Variants in MBD5 observed in about 807,000 individuals in gnomAD.
The protein encoded by MBD5 is methyl-CpG-binding domain protein 5.
A neutral mutation model predicts 117.3 loss-of-function variants in MBD5; 13 were observed. The ratio of observed to expected loss-of-function variants is 0.11; its 90% CI spans 0.07 to 0.18. The LOEUF is 0.18. MBD5 is among the 10% of genes least tolerant of loss of function. The probability of loss-of-function intolerance (pLI) is 1.00; values close to 1 mark genes in which losing one functional copy is unlikely to be tolerated. For synonymous variants in MBD5, 727 were observed against 766.4 expected, an observed-to-expected ratio of 0.95 and a Z score of 0.85; for missense variants, 1,879 against 2,093.8, an observed-to-expected ratio of 0.90 and a Z score of 2.00.
intron 4 of MBD5, among the ~76,000 whole-genome samples, chr2:148,456,840 C>A (rs78685489): frequency 0.01 from 1,533 of 152,238 alleles, 29 homozygotes; most frequent in African/African-American, 0.035. Context: ...TTCATTACAA[C>A]ACCCTTAACC....
At chr2:148,276,660 C>G (rs1287664215) in intron 3 of MBD5, among the ~76,000 whole-genome samples, 2 of 152,078 alleles carry the variant, frequency 1.3e-5, no homozygotes, top group East Asian at 1.9e-4. Flanking sequence ...TCAGTAATGT[C>G]GTTTTATAGC....
intron 1 of MBD5, among the ~76,000 whole-genome samples, chr2:148,022,825 T>C (rs1693797617): frequency 6.6e-6 from 1 of 152,194 alleles, no homozygotes; most frequent in African/African-American, 2.4e-5. Context: ...TAAATCCAGA[T>C]TTAAGTTTAT....
chr2:148,203,493 A>G (rs944212598), intron 2 of MBD5, among the ~76,000 whole-genome samples: 1 of 152,032 alleles, frequency 6.6e-6, no homozygotes, highest in Non-Finnish European at 1.5e-5. Flanking sequence ...TATCTTTGTT[A>G]TTACTACTGT....
chr2:148,051,601 TTGAGTGTGTGTGTG>T (rs750571564), intron 1 of MBD5, among the ~76,000 whole-genome samples: 1 of 92,892 alleles, frequency 1.1e-5, no homozygotes, highest in Non-Finnish European at 2.2e-5. Flanking sequence ...GTTCTGTTTG[TTGAGTGTGTGTGTG>T]TGTGTGTGTG....
Position 148,513,973 on chromosome 2 carries a change from A to G in MBD5, c.*1032A>G, listed in dbSNP as rs1682288392. On this transcript the variant is annotated 3_prime_UTR_variant, in exon 14 of 14. Coordinates refer to ENST00000642680, the MANE Select transcript of MBD5 (RefSeq NM_001378120.1). ...CATTATCAGAGGTAAGATTGATAAT[A>G]ATTCATTTTTTTGTAGTGGCAAATA... 6.6e-6 allele frequency: 1 copy of G among 152,214 alleles called. No individual in the cohort carries two copies. Among genetic ancestry groups the G allele is most frequent in the Admixed American group, 6.5e-5 (1 of 15,280 alleles). 9.4% of individuals were successfully genotyped at this position (152,214 alleles called of 1,614,324 possible). A position where few individuals can be genotyped will look rare whatever the true frequency, so the allele number is the denominator to read the frequency against.
At chr2:148,362,803 CT>C (rs1433224479) in intron 4 of MBD5, among the ~76,000 whole-genome samples, 8 of 152,204 alleles carry the variant, frequency 5.3e-5, no homozygotes, top group African/African-American at 1.9e-4. Context: ...AGGCAGCAGT[CT>C]TTGCTGTTCT....
At chr2:148,166,589 A>G (rs1371675644) in intron 1 of MBD5, among the ~76,000 whole-genome samples, 2 of 152,116 alleles carry the variant, frequency 1.3e-5, no homozygotes, top group Non-Finnish European at 2.9e-5. Flanking sequence ...ATCACTGAGG[A>G]TGATAGGATA....
chr2:148,038,721 AAACT>A (rs1391047042), intron 1 of MBD5, among the ~76,000 whole-genome samples: 3 of 151,980 alleles, frequency 2.0e-5, no homozygotes, highest in South Asian at 2.1e-4. Context: ...GGTTTTGACT[AAACT>A]AACGGATAAA....
intron 4 of MBD5, among the ~76,000 whole-genome samples, chr2:148,348,646 T>C (rs1426496945): frequency 6.6e-6 from 1 of 152,022 alleles, no homozygotes; most frequent in Non-Finnish European, 1.5e-5. Flanking sequence ...ATAATCCTAA[T>C]AAGAATTTCA....
In MBD5 at chr2:148,094,804, C is replaced by T. The variant is rs754196273; in HGVS notation, c.-925+73120C>T. 3.6e-4 allele frequency among the ~76,000 whole-genome samples: 55 copies of T among 152,066 alleles called. 1 individual carries two copies. Among genetic ancestry groups the T allele is most frequent in the Non-Finnish European group, 7.1e-4 (48 of 67,978 alleles). The stretch of plus-strand genomic sequence containing the variant: ...AAAATAACTCATGGAATGCCAGCTA[C>T]AAGCCAGGTACATATAGCTATACAT... On this transcript the variant is annotated intron_variant, in intron 1 of 13. Coordinates refer to ENST00000642680, the MANE Select transcript of MBD5 (RefSeq NM_001378120.1).
At chr2:148,085,983 C>T (rs1695782355) in intron 1 of MBD5, among the ~76,000 whole-genome samples, 1 of 152,068 alleles carries the variant, frequency 6.6e-6, no homozygotes, top group South Asian at 2.1e-4. Flanking sequence ...AAGTACAGAG[C>T]TCAACTTCCA....
At chr2:148,168,885 G>A (rs1281096570) in intron 1 of MBD5, among the ~76,000 whole-genome samples, 6 of 151,436 alleles carry the variant, frequency 4.0e-5, no homozygotes, top group African/African-American at 1.2e-4. Flanking sequence ...CCAATATTTG[G>A]ATGGAAGCAG....
intron 1 of MBD5, among the ~76,000 whole-genome samples, chr2:148,047,351 T>C (rs139493543): frequency 1.3e-5 from 2 of 152,252 alleles, no homozygotes; most frequent in African/African-American, 4.8e-5. Context: ...CAAACCTGAA[T>C]TGAAGTAAGG....
intron 1 of MBD5, among the ~76,000 whole-genome samples, chr2:148,163,924 C>G (rs562502740): frequency 1.3e-5 from 2 of 152,230 alleles, no homozygotes; most frequent in South Asian, 4.1e-4. Flanking sequence ...AAAATGCATT[C>G]TAATTACCAG....
chr2:148,349,800 C>A (rs1046322915), intron 4 of MBD5, among the ~76,000 whole-genome samples: 2 of 151,948 alleles, frequency 1.3e-5, no homozygotes, highest in African/African-American at 4.8e-5. Context: ...AAAATTTGTT[C>A]TCTTAAATCT....
intron 4 of MBD5, among the ~76,000 whole-genome samples, chr2:148,356,749 G>A (rs1330499767): frequency 1.3e-5 from 2 of 151,888 alleles, no homozygotes; most frequent in Non-Finnish European, 1.5e-5. Context: ...ACATTCTGGT[G>A]TATCTCTTTC....
intron 3 of MBD5, among the ~76,000 whole-genome samples, chr2:148,273,964 C>A (rs545344548): frequency 1.2e-4 from 19 of 152,200 alleles, no homozygotes; most frequent in African/African-American, 4.3e-4. Flanking sequence ...TTTTATTTTT[C>A]TCTTCCTTTA....
At chr2:148,397,012 C>T (rs1574378705) in intron 4 of MBD5, among the ~76,000 whole-genome samples, 1 of 152,252 alleles carries the variant, frequency 6.6e-6, no homozygotes, top group South Asian at 2.1e-4. Flanking sequence ...CTTTCCTAAA[C>T]TCCTTACATT....
intron 3 of MBD5, among the ~76,000 whole-genome samples, chr2:148,302,873 T>C (rs1701806980): frequency 6.6e-6 from 1 of 151,636 alleles, no homozygotes; most frequent in Non-Finnish European, 1.5e-5. Flanking sequence ...GCACGGTTGC[T>C]TTCATCTTAC....
Sources: gnomAD v4.1 joint callset for allele counts (sites outside exome capture counted in the v4.1 genomes callset) on GRCh38, gnomAD v4.1.1 for gene constraint, MANE v1.5 for transcripts, NCBI Gene and HGNC (gene_info 2026-07-23, HGNC 2026-07-21) for gene names.